The following MAGI1 variants were observed in gnomAD, a reference collection of about 807,000 sequenced individuals.
MAGI1 encodes the protein membrane associated guanylate kinase, WW and PDZ domain containing 1, also known as membrane-associated guanylate kinase, WW and PDZ domain-containing protein 1.
A neutral mutation model predicts 139.9 loss-of-function variants in MAGI1; 58 were observed. The observed-to-expected ratio is 0.41, with a 90% CI of 0.34 to 0.52. The LOEUF is 0.52. Among genes scored for constraint, MAGI1 ranks in the 20% least tolerant of loss-of-function variants. MAGI1 has a pLI of 0.12. For missense variants in MAGI1, 1,874 were observed against 1,901.6 expected, an observed-to-expected ratio of 0.99 and a Z score of 0.27; for synonymous variants, 812 against 737.9, an observed-to-expected ratio of 1.10 and a Z score of -1.63.
intron 1 of MAGI1, among the ~76,000 whole-genome samples, chr3:65,764,548 T>C (rs1235537007): frequency 6.6e-6 from 1 of 152,208 alleles, no homozygotes; most frequent in African/African-American, 2.4e-5. Flanking sequence ...AAATCAAAGT[T>C]CAATTTACCT....
intron 1 of MAGI1, among the ~76,000 whole-genome samples, chr3:65,818,514 T>C (rs563002981): frequency 6.6e-6 from 1 of 152,180 alleles, no homozygotes; most frequent in African/African-American, 2.4e-5. Flanking sequence ...AAACAGTGAA[T>C]CCACGTTAGC....
intron 2 of MAGI1, among the ~76,000 whole-genome samples, chr3:65,565,447 G>T (rs1160226490): frequency 6.6e-6 from 1 of 152,134 alleles, no homozygotes; most frequent in African/African-American, 2.4e-5. Flanking sequence ...AAACTCAGTG[G>T]TCATTTGTGT....
intron 3 of MAGI1, among the ~76,000 whole-genome samples, chr3:65,490,434 T>A (rs1308023013): frequency 6.6e-6 from 1 of 152,158 alleles, no homozygotes; most frequent in Non-Finnish European, 1.5e-5. Flanking sequence ...CAGTGGAAGT[T>A]CTCTAAATGT....
rs115857578 is a variant in MAGI1 at position 65,497,456 on chromosome 3, G to C, written c.431-3825C>G. 5.1e-3 allele frequency among the ~76,000 whole-genome samples: 770 copies of C among 152,266 alleles called. 5 individuals are homozygous for C. Among genetic ancestry groups the C allele is most frequent in the African/African-American group, 0.017 (705 of 41,548 alleles). ...AGTCTACATCACACTGGGAATTCCA[G>C]TGCAGTGCAAGAATAGAATCTCTTT... On this transcript the variant is annotated intron_variant, in intron 2 of 22. Coordinates refer to ENST00000402939, the MANE Select transcript of MAGI1 (RefSeq NM_001033057.2).
chr3:65,889,790 G>A (rs2060670773), intron 1 of MAGI1, among the ~76,000 whole-genome samples: 1 of 152,134 alleles, frequency 6.6e-6, no homozygotes, highest in Non-Finnish European at 1.5e-5. Flanking sequence ...GGGTTGTCAG[G>A]TAAGGCTTCC....
At chr3:65,958,927 C>A (rs1438358160) in intron 1 of MAGI1, among the ~76,000 whole-genome samples, 3 of 151,714 alleles carry the variant, frequency 2.0e-5, no homozygotes, top group Non-Finnish European at 2.9e-5. Context: ...GCAGAGGATA[C>A]AGTGAGCTGA....
intron 6 of MAGI1, among the ~76,000 whole-genome samples, chr3:65,448,994 C>A (rs1397018120): frequency 1.3e-5 from 2 of 151,916 alleles, no homozygotes; most frequent in African/African-American, 4.8e-5. Flanking sequence ...ACGCTCAGTG[C>A]CCAGTGTAGC....
At chr3:66,027,910 C>T (rs572526078) in intron 1 of MAGI1, among the ~76,000 whole-genome samples, 1 of 152,290 alleles carries the variant, frequency 6.6e-6, no homozygotes, top group African/African-American at 2.4e-5. Flanking sequence ...CCAAAAATGG[C>T]TCCAGACGTT....
intron 1 of MAGI1, among the ~76,000 whole-genome samples, chr3:65,733,242 T>A (rs1392599852): frequency 6.6e-6 from 1 of 152,142 alleles, no homozygotes; most frequent in East Asian, 1.9e-4. Context: ...GTATTTTTAG[T>A]AGAAATGGGA....
At chr3:65,444,364 T>C (rs536461119) in intron 7 of MAGI1, among the ~76,000 whole-genome samples, 3 of 151,514 alleles carry the variant, frequency 2.0e-5, no homozygotes, top group Non-Finnish European at 4.4e-5. Context: ...TACCAAAGAG[T>C]TGGGAAATCG....
chr3:65,384,781 GT>G lies in MAGI1; in HGVS notation c.2417-1159del, dbSNP rs1289701932. ...AAACAAATAAATAATATAGGAAGGGGTGTGTGTGTGTGTGTGTGTGTGTGTG... is the reference window on the plus strand; with the variant it reads ...AAACAAATAAATAATATAGGAAGGGGGTGTGTGTGTGTGTGTGTGTGTGTG... On this transcript the variant is annotated intron_variant, in intron 14 of 22. Coordinates refer to ENST00000402939, the MANE Select transcript of MAGI1 (RefSeq NM_001033057.2). 6.2e-3 allele frequency among the ~76,000 whole-genome samples: 13 copies of G among 2,084 alleles called. No homozygotes were observed. The Non-Finnish European group carries it at 0.23, about 37-fold the overall frequency. The allele number at this position is 2,084 out of a possible 152,430, so 1.4% of individuals were successfully genotyped here.
intron 1 of MAGI1, among the ~76,000 whole-genome samples, chr3:65,914,960 A>C (rs979005391): frequency 6.6e-6 from 1 of 152,228 alleles, no homozygotes; most frequent in Non-Finnish European, 1.5e-5. Flanking sequence ...AAATTTGTAA[A>C]GCTCTCAGCA....
Position 65,530,752 on chromosome 3 carries a change from T to C in MAGI1, c.431-37121A>G, listed in dbSNP as rs571028714. On this transcript the variant is annotated intron_variant, in intron 2 of 22. Transcript: ENST00000402939. The stretch of plus-strand genomic sequence containing the variant: ...ACGTATATATATATGCACATATATA[T>C]ACACGTATATATATATATATACACA... Among the ~76,000 whole-genome samples, 58 of 53,156 alleles carry C rather than the reference T, an allele frequency of 1.1e-3. 2 individuals carry two copies. The highest frequency in any genetic ancestry group is 1.2e-3 in the African/African-American group (18 of 14,682). 34.9% of individuals were successfully genotyped at this position (53,156 alleles called of 152,430 possible).
At chr3:65,614,538 A>C (rs915253586) in intron 2 of MAGI1, among the ~76,000 whole-genome samples, 3 of 152,182 alleles carry the variant, frequency 2.0e-5, no homozygotes, top group African/African-American at 7.2e-5. Context: ...CATTGGGCAT[A>C]CTCAATAAAC....
chr3:65,832,489 A>G lies in MAGI1; in HGVS notation c.313+205507T>C, dbSNP rs190728428. 1.8e-4 allele frequency among the ~76,000 whole-genome samples: 27 copies of G among 152,192 alleles called. No homozygotes were observed. In the East Asian group the frequency reaches 5.1e-3, roughly 29 times the overall value. On this transcript the variant is annotated intron_variant, in intron 1 of 22. Coordinates refer to ENST00000402939, the MANE Select transcript of MAGI1 (RefSeq NM_001033057.2). ...CTGCTAGCATGTCTCTGAATACGAC[A>G]TGGTCTTCCATGCCTATCTGCTTGG...
At chr3:65,415,377 G>A (rs995288767) in intron 12 of MAGI1, among the ~76,000 whole-genome samples, 2 of 152,228 alleles carry the variant, frequency 1.3e-5, no homozygotes, top group Non-Finnish European at 2.9e-5. Context: ...ACAGGGCAGC[G>A]CTGAAGGTGT....
At position 65,364,998 on chromosome 3, in the gene MAGI1, T is replaced by C. The variant is rs972380363; in HGVS notation, c.3197-52A>G. The C allele has an allele frequency of 2.0e-6, 3 of 1,475,606 alleles. No homozygotes were observed. In the African/African-American group the frequency reaches 4.2e-5, roughly 21 times the overall value. The allele number at this position is 1,475,606 out of a possible 1,614,324, so 91.4% of individuals were successfully genotyped here. A position where few individuals can be genotyped will look rare whatever the true frequency, so the allele number is the denominator to read the frequency against. Reference sequence around the variant, plus strand: ...AATGAAGACCCCAGAGAAGACATCCTCCAGCCAGGAGGTGTGCAGAAGCCC... The same window carrying C: ...AATGAAGACCCCAGAGAAGACATCCCCCAGCCAGGAGGTGTGCAGAAGCCC... On this transcript the variant is annotated intron_variant, in intron 18 of 22. Coordinates refer to ENST00000402939, the MANE Select transcript of MAGI1 (RefSeq NM_001033057.2).
intron 10 of MAGI1, 125 bp from the exon 11 acceptor site, chr3:65,431,006 T>A: frequency 1.1e-6 from 1 of 876,764 alleles, no homozygotes; most frequent in Non-Finnish European, 1.7e-6. Context: ...GCATATAGCA[T>A]CTTAAGAAAG....
chr3:65,868,772 C>A (rs1376840578), intron 1 of MAGI1, among the ~76,000 whole-genome samples: 1 of 152,152 alleles, frequency 6.6e-6, no homozygotes, highest in Non-Finnish European at 1.5e-5. Flanking sequence ...TAAATGAGTT[C>A]TTAAACAATT....
Sources: allele counts gnomAD v4.1 joint callset (sites outside exome capture counted in the v4.1 genomes callset), GRCh38; gene constraint gnomAD v4.1.1; transcripts MANE v1.5; gene names NCBI Gene and HGNC (gene_info 2026-07-23, HGNC 2026-07-21).